The following NUSAP1 variants were observed in gnomAD, a reference collection of about 807,000 sequenced individuals.
The protein encoded by NUSAP1 is nucleolar and spindle-associated protein 1.
Under a neutral mutation model 52.8 loss-of-function variants are expected in NUSAP1, and 32 were observed. That is an observed-to-expected ratio of 0.61 (90% CI 0.46 to 0.81). The LOEUF (loss-of-function observed/expected upper bound fraction) is 0.81. NUSAP1 is among the 40% of genes least tolerant of loss of function. The probability of loss-of-function intolerance (pLI) is 0.00; values close to 1 mark genes in which losing one functional copy is unlikely to be tolerated. For synonymous variants in NUSAP1, 195 were observed against 183.1 expected (o/e 1.06, Z -0.52); for missense variants, 499 against 522.3 (o/e 0.96, Z 0.43).
chr15:41,380,201 C>T lies in NUSAP1; in HGVS notation c.*15C>T. ...CTGAAGATTAATAATTTTTTAACAT[C>T]TTGTAAATATTCCTGTATTCTCAAC... On this transcript the variant is annotated 3_prime_UTR_variant, in exon 11 of 11. Transcript: ENST00000559596. The T allele has an allele frequency of 6.6e-7, 1 of 1,519,176 alleles. No homozygotes were observed. 94.1% of individuals were successfully genotyped at this position (1,519,176 alleles called of 1,614,324 possible).
In NUSAP1 at chr15:41,349,106, T is replaced by G. The variant is rs1266469495; in HGVS notation, c.171T>G (p.Ser57Arg). ...ARKGNENQDE[S>R]QTSASSCDET... ...AATACCTCTCTTTTCAGGATGAAAG[T>G]CAAACTTCTGCATCCTCTTGTGATG... Residue 57 changes from serine (S) to arginine (R), a missense_variant, in exon 3 of 11, where the codon AGT becomes AGG. Physicochemically the swap from Ser to Arg is moderately radical, Grantham distance 110 (BLOSUM62 -1). Transcript: ENST00000559596. 1 of 1,613,766 alleles carries G rather than the reference T, an allele frequency of 6.2e-7. No individual in the cohort carries two copies. The highest frequency in any genetic ancestry group is 1.7e-5 in the Admixed American group (1 of 59,976).
Position 41,380,198 on chromosome 15 carries a change from C to A in NUSAP1, c.*12C>A. 6.5e-7 allele frequency: 1 copy of A among 1,534,206 alleles called. No individual in the cohort carries two copies. ...TGGCTGAAGATTAATAATTTTTTAACATCTTGTAAATATTCCTGTATTCTC... is the reference window on the plus strand; with the variant it reads ...TGGCTGAAGATTAATAATTTTTTAAAATCTTGTAAATATTCCTGTATTCTC... On this transcript the variant is annotated 3_prime_UTR_variant, in exon 11 of 11. Transcript: ENST00000559596.
intron 4 of NUSAP1, among the ~76,000 whole-genome samples, chr15:41,352,577 TTTTA>T (rs553552420): frequency 5.3e-5 from 8 of 151,762 alleles, no homozygotes; most frequent in South Asian, 2.1e-4. Flanking sequence ...AATTTTTAAT[TTTTA>T]TTTATTTATT....
intron 10 of NUSAP1, among the ~76,000 whole-genome samples, chr15:41,379,781 A>G (rs2140893946): frequency 6.6e-6 from 1 of 152,224 alleles, no homozygotes; most frequent in African/African-American, 2.4e-5. Flanking sequence ...TCCTGACCTC[A>G]AGTGATCTGC....
At chr15:41,355,977 C>T in intron 4 of NUSAP1, 62 bp from the exon 5 acceptor site, 1 of 1,058,498 alleles carries the variant, frequency 9.4e-7, no homozygotes, top group East Asian at 2.5e-5. Context: ...CGTGCCCGGC[C>T]ACATATTTCT....
intron 6 of NUSAP1, among the ~76,000 whole-genome samples, chr15:41,361,341 C>T (rs895015151): frequency 1.3e-5 from 2 of 148,740 alleles, no homozygotes; most frequent in East Asian, 2.0e-4. Flanking sequence ...TGCGGTGAGC[C>T]GAGACCATGC....
chr15:41,365,724 C>CTTTT (rs757052862), intron 7 of NUSAP1, 135 bp downstream of exon 7: 2 of 418,450 alleles, frequency 4.8e-6, no homozygotes, highest in Admixed American at 4.9e-5. Context: ...TTTTCTTTTT[C>CTTTT]TTTTTTTTTT....
chr15:41,379,029 C>T (rs1473862343), intron 10 of NUSAP1, among the ~76,000 whole-genome samples: 10 of 127,620 alleles, frequency 7.8e-5, no homozygotes, highest in Admixed American at 3.7e-4. Context: ...TCTTGGCTCA[C>T]TGCAACCTCT....
At chr15:41,362,045 C>T (rs148600640) in intron 6 of NUSAP1, among the ~76,000 whole-genome samples, 2 of 152,028 alleles carry the variant, frequency 1.3e-5, no homozygotes, top group East Asian at 1.9e-4. Context: ...TGTCAAATGG[C>T]CCTCTAAAAA....
intron 10 of NUSAP1, among the ~76,000 whole-genome samples, chr15:41,378,557 G>A (rs1439969095): frequency 2.6e-5 from 4 of 152,266 alleles, no homozygotes; most frequent in South Asian, 2.1e-4. Flanking sequence ...AGGCCAAGGC[G>A]GGTGGATCAC....
At chr15:41,355,432 A>C (rs1403773476) in intron 4 of NUSAP1, among the ~76,000 whole-genome samples, 1 of 151,912 alleles carries the variant, frequency 6.6e-6, no homozygotes, top group African/African-American at 2.4e-5. Context: ...CGGCCTCCCA[A>C]AGTGCTGGGA....
chr15:41,347,813 C>CA (rs374551463), intron 2 of NUSAP1, among the ~76,000 whole-genome samples: 4,686 of 95,392 alleles, frequency 0.049, 110 homozygotes, highest in Non-Finnish European at 0.08. Flanking sequence ...GACTCCGTCT[C>CA]AAAAAAAAAA....
chr15:41,375,680 T>C (rs779615917), intron 8 of NUSAP1, 32 bp from the exon 9 acceptor site: 2 of 1,334,880 alleles, frequency 1.5e-6, no homozygotes, highest in Non-Finnish European at 2.2e-6. Context: ...TGTTTCTAAT[T>C]AAGCTCTTGG....
At position 41,333,050 on chromosome 15, in the gene NUSAP1, G is replaced by A. The variant is rs765795154; in HGVS notation, c.93G>A (p.Arg31=). Residue 31 remains arginine (R), a splice_region_variant and synonymous_variant, in exon 1 of 11, where the codon AGG becomes AGA. Coordinates refer to ENST00000559596, the MANE Select transcript of NUSAP1 (RefSeq NM_016359.5). ...GTCTGGGTCTCCGGGCCAACCTGAG[G>A]GTACGGCGCTGGCGGTGCGGGTCCC... is the stretch of plus-strand genomic sequence containing the variant. The part of the protein sequence containing the change: ...AKSLGLRANL[R]ATKLLKALKG... 1 of 1,608,324 alleles carries A rather than the reference G, an allele frequency of 6.2e-7. No individual in the cohort carries two copies. Among genetic ancestry groups the A allele is most frequent in the South Asian group, 1.1e-5 (1 of 90,142 alleles).
intron 1 of NUSAP1, among the ~76,000 whole-genome samples, chr15:41,335,908 A>C (rs2140496763): frequency 6.7e-6 from 1 of 150,166 alleles, no homozygotes; most frequent in African/African-American, 2.4e-5. Flanking sequence ...AAATTTATTT[A>C]AATTGTAATG....
chr15:41,360,631 AT>A (rs1229458338), intron 6 of NUSAP1, among the ~76,000 whole-genome samples: 1 of 150,400 alleles, frequency 6.6e-6, no homozygotes, highest in Non-Finnish European at 1.5e-5. Context: ...TAATTTTTAT[AT>A]TTTCAGTAAA....
At chr15:41,350,918 G>T in intron 3 of NUSAP1, 70 bp from the exon 4 acceptor site, 2 of 1,356,896 alleles carry the variant, frequency 1.5e-6, no homozygotes, top group South Asian at 1.3e-5. Flanking sequence ...CCTCACTTTG[G>T]TACTTATCTT....
At chr15:41,337,735 T>C (rs1261036437) in intron 1 of NUSAP1, among the ~76,000 whole-genome samples, 1 of 152,056 alleles carries the variant, frequency 6.6e-6, no homozygotes, top group African/African-American at 2.4e-5. Flanking sequence ...CTCCAGGCAC[T>C]TTCTGTTCTA....
chr15:41,379,016 C>T (rs1192495697), intron 10 of NUSAP1, among the ~76,000 whole-genome samples: 1 of 114,608 alleles, frequency 8.7e-6, no homozygotes, highest in African/African-American at 3.4e-5. Flanking sequence ...TGTGGTGGTG[C>T]GATCTTGGCT....
Sources: gnomAD v4.1 joint callset for allele counts (sites outside exome capture counted in the v4.1 genomes callset) on GRCh38, gnomAD v4.1.1 for gene constraint, MANE v1.5 for transcripts, NCBI Gene and HGNC (gene_info 2026-07-23, HGNC 2026-07-21) for gene names.